TMOD1: variants seen among roughly 807,000 people sequenced by gnomAD.
TMOD1 encodes the protein tropomodulin 1.
In TMOD1, 17 loss-of-function variants were observed where a neutral mutation model predicts 40.6. That is an observed-to-expected ratio of 0.42 (90% CI 0.29 to 0.63). The LOEUF is 0.63. Ranked by LOEUF, TMOD1 falls within the 20% of genes least tolerant of loss-of-function variation. The pLI is 0.22. For missense variants in TMOD1, 391 were observed against 447.6 expected (o/e 0.87, Z 1.14); for synonymous variants, 181 against 175.0 (o/e 1.03, Z -0.27).
chr9:97,586,160 C>T (rs977849845), intron 8 of TMOD1, among the ~76,000 whole-genome samples: 39 of 151,526 alleles, frequency 2.6e-4, no homozygotes, highest in African/African-American at 7.2e-4. Flanking sequence ...TCTTTGATGA[C>T]GGTGATGTAC....
chr9:97,533,822 A>G (rs1227344287), intron 2 of TMOD1, among the ~76,000 whole-genome samples: 1 of 152,176 alleles, frequency 6.6e-6, no homozygotes, highest in Non-Finnish European at 1.5e-5. Flanking sequence ...AGTAACAGAG[A>G]CTCAGAATAA....
intron 8 of TMOD1, among the ~76,000 whole-genome samples, chr9:97,572,381 G>A (rs1830832318): frequency 6.6e-6 from 1 of 152,196 alleles, no homozygotes. Context: ...TGGATGGGAG[G>A]GGACTGGGGG....
intron 8 of TMOD1, among the ~76,000 whole-genome samples, chr9:97,578,399 G>A (rs545971755): frequency 6.6e-6 from 1 of 152,288 alleles, no homozygotes; most frequent in African/African-American, 2.4e-5. Context: ...GTATGCACGT[G>A]TTCTATTTTA....
At chr9:97,574,479 G>T (rs1041702082) in intron 8 of TMOD1, among the ~76,000 whole-genome samples, 32 of 152,322 alleles carry the variant, frequency 2.1e-4, no homozygotes, top group African/African-American at 6.7e-4. Flanking sequence ...TCTCCTGAGC[G>T]GCCCGAACCT....
At chr9:97,565,554 G>A (rs117324840) in intron 6 of TMOD1, among the ~76,000 whole-genome samples, 330 of 152,090 alleles carry the variant, frequency 2.2e-3, no homozygotes, top group Non-Finnish European at 3.7e-3. Context: ...CCTAGTCCTA[G>A]CTCTTTGCAC....
At chr9:97,535,892 C>T (rs1422350424) in intron 2 of TMOD1, among the ~76,000 whole-genome samples, 2 of 152,100 alleles carry the variant, frequency 1.3e-5, no homozygotes, top group Admixed American at 6.5e-5. Flanking sequence ...AGGCCTAGCT[C>T]TTTGTGGAGA....
In TMOD1 at chr9:97,514,680, T is replaced by C. The variant is rs114786242; in HGVS notation, c.-48-9461T>C. ...GAAACTCTGCAGGGCAAGCCTTTCA[T>C]CCACTGCTCTTACAGGTACCTAATG... On this transcript the variant is annotated intron_variant, in intron 1 of 9. Coordinates refer to ENST00000259365, the MANE Select transcript of TMOD1 (RefSeq NM_003275.4). Among the ~76,000 whole-genome samples the C allele has an allele frequency of 9.5e-3, 1,454 of 152,334 alleles. 21 individuals carry two copies. Among genetic ancestry groups the C allele is most frequent in the African/African-American group, 0.034 (1,412 of 41,566 alleles).
chr9:97,546,403 ATGCCAGGCCC>A (rs1212799337), intron 3 of TMOD1, 62 bp downstream of exon 3: 10 of 1,549,664 alleles, frequency 6.5e-6, no homozygotes, highest in African/African-American at 5.5e-5. Flanking sequence ...TGCCGACTGT[ATGCCAGGCCC>A]TGCCAGGCCC....
Position 97,568,411 on chromosome 9 carries a change from A to G in TMOD1, c.727-483A>G, listed in dbSNP as rs143246215. Among the ~76,000 whole-genome samples the G allele has an allele frequency of 7.6e-3, 1,165 of 152,322 alleles. 17 individuals carry two copies. The highest frequency in any genetic ancestry group is 0.027 in the African/African-American group (1,114 of 41,562). On this transcript the variant is annotated intron_variant, in intron 7 of 9. Transcript: ENST00000259365. ...AATGAGGGAAGTATGGCTCCATTCTATGAGGATTTGAGAGGGTAGGCTACA... is the reference window on the plus strand; with the variant it reads ...AATGAGGGAAGTATGGCTCCATTCTGTGAGGATTTGAGAGGGTAGGCTACA...
At chr9:97,572,250 TCCAC>T (rs1346946596) in intron 8 of TMOD1, among the ~76,000 whole-genome samples, 1 of 151,972 alleles carries the variant, frequency 6.6e-6, no homozygotes, top group Admixed American at 6.5e-5. Context: ...ATGGAGCCCA[TCCAC>T]ACAGGCTCAC....
chr9:97,524,077 C>G, intron 1 of TMOD1, 64 bp from the exon 2 acceptor site: 1 of 1,264,490 alleles, frequency 7.9e-7, no homozygotes. Context: ...AACGATGAGC[C>G]TCCATTTGCT....
chr9:97,504,237 A>G (rs1829552917), intron 1 of TMOD1, among the ~76,000 whole-genome samples: 1 of 152,228 alleles, frequency 6.6e-6, no homozygotes, highest in Non-Finnish European at 1.5e-5. Flanking sequence ...CCCTCAGCCC[A>G]GAGCCTGATA....
At chr9:97,558,682 G>A (rs1407744822) in intron 4 of TMOD1, among the ~76,000 whole-genome samples, 1 of 152,106 alleles carries the variant, frequency 6.6e-6, no homozygotes, top group Non-Finnish European at 1.5e-5. Flanking sequence ...GGCCTCAAGA[G>A]ATCCACCCAC....
chr9:97,559,771 T>TAA (rs1830589569), intron 4 of TMOD1, among the ~76,000 whole-genome samples: 4 of 63,348 alleles, frequency 6.3e-5, no homozygotes, highest in East Asian at 9.3e-4. Flanking sequence ...CCTCAAAAAT[T>TAA]TAAAAAAAAA....
chr9:97,550,331 A>G (rs976645341), intron 3 of TMOD1, among the ~76,000 whole-genome samples: 2 of 152,254 alleles, frequency 1.3e-5, no homozygotes, highest in African/African-American at 2.4e-5. Flanking sequence ...TGCTTTGAAC[A>G]TTCTTGTAGA....
At position 97,564,060 on chromosome 9, in the gene TMOD1, C is replaced by T; in HGVS notation, c.510C>T (p.Tyr170=). The T allele has an allele frequency of 1.9e-6, 3 of 1,614,166 alleles. No homozygotes were observed. Among genetic ancestry groups the T allele is most frequent in the Non-Finnish European group, 2.5e-6 (3 of 1,180,022 alleles). The change falls in exon 6 of 10, where the codon TAC becomes TAT. Residue 170 remains tyrosine, a synonymous_variant. Transcript: ENST00000259365. ...TAGGCGTGATTAAACCCACACAATA[C>T]AAGCCTGTGCCCGACGAAGAACCAA... ...GLNSVIKPTQ[Y]KPVPDEEPNS... is the part of the protein sequence containing the mutation.
chr9:97,501,425 G>A (rs953008620), upstream of TMOD1, among the ~76,000 whole-genome samples: 1 of 152,154 alleles, frequency 6.6e-6, no homozygotes, highest in Non-Finnish European at 1.5e-5. Context: ...TACCAGCGGG[G>A]AAGCGGAGGA....
At chr9:97,533,716 G>A (rs930229257) in intron 2 of TMOD1, among the ~76,000 whole-genome samples, 1 of 152,186 alleles carries the variant, frequency 6.6e-6, no homozygotes, top group Non-Finnish European at 1.5e-5. Context: ...TTTACAGATG[G>A]GGGATCCAAA....
intron 1 of TMOD1, chr9:97,512,626 C>A (rs1222447683): frequency 1.3e-5 from 2 of 148,280 alleles, no homozygotes; most frequent in African/African-American, 5.0e-5. Flanking sequence ...CTCACAGATA[C>A]AATGTTGAAT....
Sources: allele counts gnomAD v4.1 joint callset (sites outside exome capture counted in the v4.1 genomes callset), GRCh38; gene constraint gnomAD v4.1.1; transcripts MANE v1.5; gene names NCBI Gene and HGNC (gene_info 2026-07-23, HGNC 2026-07-21).